The following GATB variants were observed in gnomAD, a reference collection of about 807,000 sequenced individuals.
GATB encodes the protein glutamyl-tRNA amidotransferase subunit B.
In GATB, 39 loss-of-function variants were observed where a neutral mutation model predicts 62.3. The observed-to-expected ratio is 0.63, with a 90% CI of 0.48 to 0.82. GATB has a LOEUF of 0.82. GATB is among the 40% of genes least tolerant of loss of function. The pLI, the probability that GATB is intolerant of heterozygous loss-of-function variation, is 0.00. For synonymous variants in GATB, 276 were observed against 258.9 expected, an observed-to-expected ratio of 1.07 and a Z score of -0.63; for missense variants, 670 against 684.0, an observed-to-expected ratio of 0.98 and a Z score of 0.23.
chr4:151,695,930 A>ATTTTTTTT (rs57028979), intron 9 of GATB, among the ~76,000 whole-genome samples: 1,606 of 122,786 alleles, frequency 0.013, 59 homozygotes, highest in African/African-American at 0.02. Context: ...GCTAATTTAA[A>ATTTTTTTT]TTTTTTTTTT....
chr4:151,757,220 T>C (rs527967147), intron 2 of GATB, among the ~76,000 whole-genome samples: 2 of 152,296 alleles, frequency 1.3e-5, no homozygotes, highest in South Asian at 4.1e-4. Flanking sequence ...TCCACATCTA[T>C]CTTCTCCCAG....
chr4:151,673,105 G>A (rs1184668754), intron 11 of GATB: 3 of 555,452 alleles, frequency 5.4e-6, no homozygotes, highest in East Asian at 5.8e-5. Flanking sequence ...GCAGGGCTGG[G>A]GAACAAGGCC....
chr4:151,698,529 G>C (rs1218813359), intron 9 of GATB, among the ~76,000 whole-genome samples: 1 of 152,098 alleles, frequency 6.6e-6, no homozygotes, highest in East Asian at 1.9e-4. Flanking sequence ...ATTGAAAGAT[G>C]GTTCATTAGA....
chr4:151,760,959 C>G lies in GATB; in HGVS notation c.24G>C (p.Trp8Cys). The part of the protein sequence containing the change: MAAPMLR[W>C]GCRGRRWAFA... ...AAGCCCAACGTCTTCCACGGCAGCC[C>G]CAGCGCAGCATGGGCGCCGCCATTG... The change falls in exon 1 of 13, where the codon TGG becomes TGC. Residue 8 changes from tryptophan (W) to cysteine (C), a missense_variant. Physicochemically the swap from Trp to Cys is radical, Grantham distance 215 (BLOSUM62 -2). Transcript: ENST00000263985. 6.2e-7 allele frequency: 1 copy of G among 1,612,606 alleles called. No homozygotes were observed.
chr4:151,756,553 C>A (rs1221589064), intron 2 of GATB, among the ~76,000 whole-genome samples: 1 of 152,210 alleles, frequency 6.6e-6, no homozygotes, highest in Non-Finnish European at 1.5e-5. Context: ...ATCTAGGCTA[C>A]TTAAACCATA....
At chr4:151,680,056 T>C (rs1403837468) in intron 10 of GATB, among the ~76,000 whole-genome samples, 165 bp from the exon 11 acceptor site, 2 of 152,218 alleles carry the variant, frequency 1.3e-5, no homozygotes, top group African/African-American at 4.8e-5. Flanking sequence ...TTTACTTATT[T>C]ATTTTATATC....
chr4:151,697,963 A>ATATATATATATATATATGTGTATG (rs1560847732), intron 9 of GATB, among the ~76,000 whole-genome samples: 5 of 116,706 alleles, frequency 4.3e-5, no homozygotes, highest in African/African-American at 2.0e-4. Context: ...GTATATATAT[A>ATATATATATATATATATGTGTATG]TATATATATA....
rs1394166902 is a variant in GATB, at chr4:151,708,097, G to A, written c.768C>T (p.Gly256=). ...ATATATTGGCATCCACTCTCAACTG[G>A]CCCTCTGGAAGGAGAGAAGAAAACA... ...LGTSQANMAE[G]QLRVDANISV... Residue 256 remains glycine (G), a synonymous_variant, in exon 6 of 13, where the codon GGC becomes GGT. Transcript: ENST00000263985. 1 of 1,608,164 alleles carries A rather than the reference G, an allele frequency of 6.2e-7. No individual in the cohort carries two copies. Among genetic ancestry groups the A allele is most frequent in the South Asian group, 1.1e-5 (1 of 90,780 alleles).
chr4:151,691,779 GA>G (rs1184222985), intron 9 of GATB: 1 of 152,234 alleles, frequency 6.6e-6, no homozygotes, highest in Non-Finnish European at 1.5e-5. Flanking sequence ...GATAGGCCAG[GA>G]ACGAGGTGGA....
intron 12 of GATB, among the ~76,000 whole-genome samples, chr4:151,671,979 C>G (rs78904005): frequency 1.2e-3 from 178 of 152,312 alleles, no homozygotes; most frequent in Admixed American, 2.2e-3. Flanking sequence ...ACTACTGGCA[C>G]GTCTTTATCA....
At chr4:151,728,342 G>T (rs962998350) in intron 2 of GATB, among the ~76,000 whole-genome samples, 1 of 152,116 alleles carries the variant, frequency 6.6e-6, no homozygotes, top group African/African-American at 2.4e-5. Flanking sequence ...AATTCAATGA[G>T]AATTGATGAA....
chr4:151,677,222 G>GA (rs1300665102), intron 11 of GATB: 2 of 151,832 alleles, frequency 1.3e-5, no homozygotes, highest in Admixed American at 6.6e-5. Context: ...ATTAAATTTG[G>GA]AAAAAAATAT....
At position 151,670,845 on chromosome 4, in the gene GATB, T is replaced by C. The variant is rs1406446814; in HGVS notation, c.*329A>G. ...TGCAGAATGAAAAGTTTTCTTAGAATGGGTAACAGTATCTCCAACATACAT... is the reference window on the plus strand; with the variant it reads ...TGCAGAATGAAAAGTTTTCTTAGAACGGGTAACAGTATCTCCAACATACAT... On this transcript the variant is annotated 3_prime_UTR_variant, in exon 13 of 13. Transcript: ENST00000263985. 4.7e-6 allele frequency: 1 copy of C among 213,404 alleles called. No individual in the cohort carries two copies. Among genetic ancestry groups the C allele is most frequent in the East Asian group, 1.0e-4 (1 of 9,908 alleles). The allele number at this position is 213,404 out of a possible 1,614,324, so 13.2% of individuals were successfully genotyped here.
chr4:151,692,082 C>T (rs1248144608), intron 9 of GATB, among the ~76,000 whole-genome samples: 1 of 152,208 alleles, frequency 6.6e-6, no homozygotes, highest in Non-Finnish European at 1.5e-5. Flanking sequence ...ACAGCAGCAG[C>T]GGTGATGGGC....
chr4:151,712,943 G>A (rs1738847518), intron 5 of GATB, among the ~76,000 whole-genome samples: 1 of 152,206 alleles, frequency 6.6e-6, no homozygotes, highest in Admixed American at 6.5e-5. Context: ...AGCAGGAGGT[G>A]AGTGATGGGC....
At chr4:151,681,455 C>G (rs945545589) in intron 10 of GATB, among the ~76,000 whole-genome samples, 10 of 152,094 alleles carry the variant, frequency 6.6e-5, no homozygotes, top group Non-Finnish European at 1.0e-4. Context: ...ACTAAAAAAA[C>G]CTACCTTTAC....
At chr4:151,714,844 T>C (rs1738883436) in intron 5 of GATB, among the ~76,000 whole-genome samples, 1 of 152,222 alleles carries the variant, frequency 6.6e-6, no homozygotes. Flanking sequence ...GAGAATTCTC[T>C]TACTCTAAAA....
At chr4:151,691,842 G>A (rs6817373) in intron 9 of GATB, 22,340 of 152,286 alleles carry the variant, frequency 0.15, 1,942 homozygotes, top group African/African-American at 0.25. Context: ...CCCAGTGGCA[G>A]ACTCAGAGAA....
chr4:151,741,952 T>C (rs896431542), intron 2 of GATB, among the ~76,000 whole-genome samples: 1 of 152,194 alleles, frequency 6.6e-6, no homozygotes, highest in Non-Finnish European at 1.5e-5. Flanking sequence ...TGGAAAGAGC[T>C]CAGTCACCTG....
Sources: allele counts gnomAD v4.1 joint callset (sites outside exome capture counted in the v4.1 genomes callset), GRCh38; gene constraint gnomAD v4.1.1; transcripts MANE v1.5; gene names NCBI Gene and HGNC (gene_info 2026-07-23, HGNC 2026-07-21).